The following SUPT5H variants were observed in gnomAD, a reference collection of about 807,000 sequenced individuals.
SUPT5H encodes the protein transcription elongation factor SPT5.
SUPT5H carries 24 observed loss-of-function variants against 142.5 expected under a neutral mutation model. The ratio of observed to expected loss-of-function variants is 0.17; its 90% confidence interval spans 0.12 to 0.24. The LOEUF (loss-of-function observed/expected upper bound fraction) is 0.24. SUPT5H is among the 10% of genes least tolerant of loss of function. The pLI, the probability that SUPT5H is intolerant of heterozygous loss-of-function variation, is 1.00. For missense variants in SUPT5H, 893 were observed against 1,471.8 expected (o/e 0.61, Z 6.43); for synonymous variants, 546 against 553.0 (o/e 0.99, Z 0.18).
At position 39,453,361 on chromosome 19, in the gene SUPT5H, C is replaced by T. The variant is rs200510680; in HGVS notation, c.81C>T (p.Asp27=). ...ACCCTGCCTGACCCCTGTAGGTAGA[C>T]GAAGAGCGGCGGAGTGCAGCGGGCA... ...RSSDGEEAEV[D]EERRSAAGSE... Residue 27 remains aspartate, a synonymous_variant, in exon 3 of 30, where the codon GAC becomes GAT. Transcript: ENST00000432763. 1.6e-5 allele frequency: 26 copies of T among 1,599,938 alleles called. No homozygotes were observed. Among genetic ancestry groups the T allele is most frequent in the Non-Finnish European group, 2.0e-5 (24 of 1,172,742 alleles).
In SUPT5H at chr19:39,472,852, G is replaced by A. The variant is rs774409298; in HGVS notation, c.2078G>A (p.Gly693Asp). The change falls in exon 22 of 30, where the codon GGC becomes GAC. Residue 693 changes from glycine to aspartate, a missense_variant. Physicochemically the swap from Gly to Asp is moderately conservative, Grantham distance 94 (BLOSUM62 -1). This residue lies in a region of SUPT5H where 35 missense variants were observed against 29.7 expected (regional missense o/e 1.18). Coordinates refer to ENST00000432763, the MANE Select transcript of SUPT5H (RefSeq NM_001111020.3). This position sits in a 1 kb window ranked among gnomAD's most constrained non-coding sequence, Gnocchi z 4.2. ...GGTAGCCCAGGTGGCGGCAGTGGTG[G>A]CATGAGCAGGGGCCGGGGCCGGAGG... ...GFGSPGGGSG[G>D]MSRGRGRRDN... 3 of 1,613,776 alleles carry A rather than the reference G, an allele frequency of 1.9e-6. No homozygotes were observed. Among genetic ancestry groups the A allele is most frequent in the Non-Finnish European group, 2.5e-6 (3 of 1,179,822 alleles).
Position 39,458,158 on chromosome 19 carries a change from C to T in SUPT5H, c.308-136C>T. ...CTTTTGGTTTTCAACCTTTCTGTGT[C>T]CCTCCCTTCCCCTCCCCCAACCCAT... On this transcript the variant is annotated intron_variant, in intron 4 of 29. Coordinates refer to ENST00000432763, the MANE Select transcript of SUPT5H (RefSeq NM_001111020.3). The surrounding 1 kb of genome is among the most constrained non-coding windows in gnomAD (Gnocchi z 4.2). 9.7e-7 allele frequency: 1 copy of T among 1,032,166 alleles called. No homozygotes were observed. The highest frequency in any genetic ancestry group is 1.4e-6 in the Non-Finnish European group (1 of 721,596). The allele number at this position is 1,032,166 out of a possible 1,614,324, so 63.9% of individuals were successfully genotyped here.
chr19:39,446,047 G>T (rs2146061820), intron 2 of SUPT5H, 82 bp downstream of exon 2: 1 of 1,432,684 alleles, frequency 7.0e-7, no homozygotes, highest in South Asian at 1.2e-5. Flanking sequence ...AGGCTCGAGG[G>T]GTTCACAGCG....
chr19:39,465,289 G>A (rs148001574), intron 11 of SUPT5H, among the ~76,000 whole-genome samples: 128 of 152,330 alleles, frequency 8.4e-4, no homozygotes, highest in African/African-American at 2.9e-3. Flanking sequence ...GAGCTCTTGG[G>A]GAGGAGTGTT....
chr19:39,459,844 C>T, intron 9 of SUPT5H, 48 bp from the exon 10 acceptor site: 1 of 1,600,338 alleles, frequency 6.2e-7, no homozygotes, highest in Non-Finnish European at 8.6e-7. Flanking sequence ...TTCCTGTGTC[C>T]TTTCCTCCAT....
chr19:39,445,724 G>A (rs535009949), intron 1 of SUPT5H, 80 bp from the exon 2 acceptor site: 159 of 748,690 alleles, frequency 2.1e-4, no homozygotes, highest in Middle Eastern at 2.5e-4. Context: ...AGCATGTGGC[G>A]TAGGAGGGGG....
At chr19:39,447,087 C>T (rs2078963910) in intron 2 of SUPT5H, among the ~76,000 whole-genome samples, 1 of 151,782 alleles carries the variant, frequency 6.6e-6, no homozygotes, top group South Asian at 2.1e-4. Flanking sequence ...ATTGCTTGAG[C>T]CAGAAGGTGA....
chr19:39,446,648 T>C (rs534405136), intron 2 of SUPT5H, among the ~76,000 whole-genome samples: 22 of 152,270 alleles, frequency 1.4e-4, no homozygotes, highest in African/African-American at 4.8e-4. Flanking sequence ...GAGGATCACT[T>C]GAGCCCAGAA....
intron 1 of SUPT5H, 73 bp from the exon 2 acceptor site, chr19:39,445,731 G>C (rs756282259): frequency 7.7e-6 from 6 of 776,964 alleles, no homozygotes; most frequent in African/African-American, 1.7e-5. Context: ...GGCGTAGGAG[G>C]GGGTCCTCAC....
chr19:39,462,903 G>T (rs559017953), intron 10 of SUPT5H, among the ~76,000 whole-genome samples: 1 of 131,484 alleles, frequency 7.6e-6, no homozygotes, highest in Non-Finnish European at 1.6e-5. Context: ...GCAATGATGC[G>T]ATCTCGGCTC....
intron 28 of SUPT5H, chr19:39,475,350 T>C (rs181135902): frequency 1.4e-5 from 2 of 144,576 alleles, no homozygotes; most frequent in East Asian, 4.1e-4. Flanking sequence ...TGAGCCGAGA[T>C]CGTGCCACTG....
intron 11 of SUPT5H, among the ~76,000 whole-genome samples, chr19:39,465,936 G>A (rs758560483): frequency 6.6e-6 from 1 of 152,136 alleles, no homozygotes; most frequent in Non-Finnish European, 1.5e-5. Context: ...TATACTTACC[G>A]GTTGAGCATC....
chr19:39,470,468 A>C lies in SUPT5H; in HGVS notation c.1622A>C (p.Gln541Pro). The C allele has an allele frequency of 6.2e-7, 1 of 1,604,622 alleles. No individual in the cohort carries two copies. Among genetic ancestry groups the C allele is most frequent in the Non-Finnish European group, 8.5e-7 (1 of 1,174,602 alleles). Residue 541 changes from glutamine (Q) to proline (P), a missense_variant, in exon 18 of 30, where the codon CAG becomes CCG. Around this residue, in one of 6 missense-constraint regions of SUPT5H, gnomAD observed 428 missense variants for 763.5 expected, o/e 0.56. Transcript: ENST00000432763. The surrounding 1 kb of genome is among the most constrained non-coding windows in gnomAD (Gnocchi z 5.8). ...GGQHEWGELV[Q>P]LDPQTVGVIV... ...CAGCATGAATGGGGCGAGCTGGTGC[A>C]GCTGGATCCCCAGACTGTGGGTGTC...
Position 39,472,446 on chromosome 19 carries a change from C to T in SUPT5H, c.1988C>T (p.Ala663Val), listed in dbSNP as rs749323622. The T allele has an allele frequency of 3.3e-5, 54 of 1,613,948 alleles. No individual in the cohort carries two copies. Among genetic ancestry groups the T allele is most frequent in the South Asian group, 7.7e-5 (7 of 91,086 alleles). The change falls in exon 21 of 30, where the codon GCG becomes GTG. Residue 663 changes from alanine (A) to valine (V), a missense_variant. Coordinates refer to ENST00000432763, the MANE Select transcript of SUPT5H (RefSeq NM_001111020.3). The surrounding 1 kb of genome is among the most constrained non-coding windows in gnomAD (Gnocchi z 4.2). ...ACCAACTTCACCGTGGGTGGCTTTGCGCCTATGAGTCCCCGGATCAGCAGC... is the reference window on the plus strand; with the variant it reads ...ACCAACTTCACCGTGGGTGGCTTTGTGCCTATGAGTCCCCGGATCAGCAGC... ...DVTNFTVGGF[A>V]PMSPRISSPM...
In SUPT5H at chr19:39,453,442, C is replaced by T. The variant is rs1130180; in HGVS notation, c.162C>T (p.Tyr54=). ...AGGAGGAGGAAGAGGAGGAGGAATACGATGAGGAAGAGGAGGAAGAAGATG... is the reference window on the plus strand; with the variant it reads ...AGGAGGAGGAAGAGGAGGAGGAATATGATGAGGAAGAGGAGGAAGAAGATG... The part of the protein sequence containing the change: ...DEEEEEEEEE[Y]DEEEEEEDDD... Residue 54 remains tyrosine, a synonymous_variant, in exon 3 of 30, where the codon TAC becomes TAT. Transcript: ENST00000432763. The T allele has an allele frequency of 0.54, 842,677 of 1,562,972 alleles. 230,188 individuals are homozygous for T. Among genetic ancestry groups the T allele is most frequent in the African/African-American group, 0.73 (53,748 of 73,364 alleles).
chr19:39,445,903 G>A lies in SUPT5H; in HGVS notation c.13G>A (p.Glu5Lys). Residue 5 changes from glutamate to lysine, a missense_variant, in exon 2 of 30, where the codon GAG (glutamate) becomes AAG (lysine). This residue lies in a region of SUPT5H where 70 missense variants were observed against 70.5 expected (regional missense o/e 0.99). Coordinates refer to ENST00000432763, the MANE Select transcript of SUPT5H (RefSeq NM_001111020.3). ...GCAGCAGCGGAAGATGTCGGACAGCGAGGACAGCAACTTTTCCGAGGAGGA... is the reference window on the plus strand; with the variant it reads ...GCAGCAGCGGAAGATGTCGGACAGCAAGGACAGCAACTTTTCCGAGGAGGA... MSDS[E>K]DSNFSEEEDS... 1.2e-6 allele frequency: 2 copies of A among 1,613,720 alleles called. No homozygotes were observed. Among genetic ancestry groups the A allele is most frequent in the Non-Finnish European group, 1.7e-6 (2 of 1,180,024 alleles).
chr19:39,463,618 T>C (rs2079194800), intron 10 of SUPT5H, among the ~76,000 whole-genome samples: 1 of 152,190 alleles, frequency 6.6e-6, no homozygotes, highest in Admixed American at 6.6e-5. Flanking sequence ...TTCCGCTTAA[T>C]AAGTGGAAAG....
Position 39,474,770 on chromosome 19 carries a change from C to G in SUPT5H, c.3024+52C>G, listed in dbSNP as rs1463316953. On this transcript the variant is annotated intron_variant, in intron 28 of 29. Transcript: ENST00000432763. The surrounding 1 kb of genome is among the most constrained non-coding windows in gnomAD (Gnocchi z 6.5). ...AGCAGGCATCCTCTCCTTGGTACCC[C>G]CTAAACTGGAGACAGACCTGTCCCC... 4 of 1,546,188 alleles carry G rather than the reference C, an allele frequency of 2.6e-6. No homozygotes were observed. In the South Asian group the frequency reaches 4.7e-5, roughly 18 times the overall value.
rs2079351431 is a variant in SUPT5H at position 39,473,318 on chromosome 19, C to A, written c.2374C>A (p.Pro792Thr). The A allele has an allele frequency of 1.2e-6, 2 of 1,613,796 alleles. No individual in the cohort carries two copies. Among genetic ancestry groups the A allele is most frequent in the Admixed American group, 1.7e-5 (1 of 60,004 alleles). ...AACACCCATGTACGGCTCACAGACACCCCTCCAGGATGGTGAGTGCCCGCA... is the reference window on the plus strand; with the variant it reads ...AACACCCATGTACGGCTCACAGACAACCCTCCAGGATGGTGAGTGCCCGCA... Reference protein sequence around the residue: ...SRTPMYGSQTPLQDGSRTPHY... With the variant: ...SRTPMYGSQTTLQDGSRTPHY... Residue 792 changes from proline (P) to threonine (T), a missense_variant, in exon 24 of 30, where the codon CCC (proline) becomes ACC (threonine). Pro to Thr is a conservative substitution (Grantham distance 38). This residue lies in a region of SUPT5H where 336 missense variants were observed against 546.5 expected (regional missense o/e 0.61). Coordinates refer to ENST00000432763, the MANE Select transcript of SUPT5H (RefSeq NM_001111020.3). The surrounding 1 kb of genome is among the most constrained non-coding windows in gnomAD (Gnocchi z 5.8).
Sources: gnomAD v4.1 joint callset for allele counts (sites outside exome capture counted in the v4.1 genomes callset) on GRCh38, gnomAD v4.1.1 for gene constraint, gnomAD v4.1.1 regional missense constraint, Gnocchi (gnomAD v3.1) non-coding constraint, MANE v1.5 for transcripts, NCBI Gene and HGNC (gene_info 2026-07-23, HGNC 2026-07-21) for gene names.